The following GABRG3 variants were observed in gnomAD, a reference collection of about 807,000 sequenced individuals.
The protein encoded by GABRG3 is gamma-aminobutyric acid receptor subunit gamma-3.
Under a neutral mutation model 48.8 loss-of-function variants are expected in GABRG3, and 25 were observed. That is an observed-to-expected ratio of 0.51 (90% CI 0.37 to 0.72). The LOEUF is 0.72. GABRG3 is among the 30% of genes least tolerant of loss of function. The probability of loss-of-function intolerance (pLI) is 0.00; values close to 1 mark genes in which losing one functional copy is unlikely to be tolerated. For missense variants in GABRG3, 394 were observed against 577.9 expected (o/e 0.68, Z 3.26); for synonymous variants, 227 against 217.6 (o/e 1.04, Z -0.38).
intron 5 of GABRG3, among the ~76,000 whole-genome samples, chr15:27,382,575 C>CT (rs1284668177): frequency 1.3e-5 from 2 of 152,152 alleles, no homozygotes; most frequent in Non-Finnish European, 2.9e-5. Context: ...TTGATTCATG[C>CT]TTTGAAAGGT....
intron 3 of GABRG3, among the ~76,000 whole-genome samples, chr15:27,277,668 C>T (rs1236754315): frequency 6.6e-6 from 1 of 152,096 alleles, no homozygotes; most frequent in Non-Finnish European, 1.5e-5. Context: ...TACTTTTTCT[C>T]CTTATTCTCT....
At chr15:27,396,744 A>G (rs888523971) in intron 5 of GABRG3, among the ~76,000 whole-genome samples, 16 of 152,216 alleles carry the variant, frequency 1.1e-4, no homozygotes, top group Admixed American at 2.0e-4. Context: ...ACTTCCTTCA[A>G]CTGATTAATT....
intron 5 of GABRG3, among the ~76,000 whole-genome samples, chr15:27,416,459 TAAG>T (rs978799680): frequency 3.9e-5 from 6 of 152,202 alleles, no homozygotes; most frequent in African/African-American, 9.6e-5. Flanking sequence ...CAGCCTTTGC[TAAG>T]AAGAACCGAT....
intron 3 of GABRG3, among the ~76,000 whole-genome samples, chr15:27,188,465 C>T (rs1320844266): frequency 6.6e-6 from 1 of 152,152 alleles, no homozygotes; most frequent in Non-Finnish European, 1.5e-5. Flanking sequence ...ATTTGCATTT[C>T]TCTGATGGCC....
intron 5 of GABRG3, among the ~76,000 whole-genome samples, chr15:27,383,221 G>A (rs920824810): frequency 6.6e-6 from 1 of 152,198 alleles, no homozygotes; most frequent in Admixed American, 6.5e-5. Flanking sequence ...GTCTTCATCT[G>A]AGGATAGTAC....
Position 27,276,630 on chromosome 15 carries a change from C to CT in GABRG3, c.271-50169dup, listed in dbSNP as rs200338414. Among the ~76,000 whole-genome samples the CT allele has an allele frequency of 9.3e-4, 138 of 148,150 alleles. 2 individuals are homozygous for CT. The highest frequency in any genetic ancestry group is 2.8e-3 in the African/African-American group (112 of 40,392). On this transcript the variant is annotated intron_variant, in intron 3 of 9. Transcript: ENST00000615808. ...GAGAGTTGGGAATGGGAATGATTAG[C>CT]TTTTTTTTTTAAGGAATTTTGTTTT...
At chr15:27,342,196 C>T (rs887675263) in intron 5 of GABRG3, among the ~76,000 whole-genome samples, 5 of 152,230 alleles carry the variant, frequency 3.3e-5, no homozygotes, top group Non-Finnish European at 7.3e-5. Flanking sequence ...CTCTTCTGTG[C>T]ATGTGTTTCC....
Position 27,069,550 on chromosome 15 carries a change from A to G in GABRG3, c.270+42729A>G, listed in dbSNP as rs181787142. 2.6e-5 allele frequency among the ~76,000 whole-genome samples: 4 copies of G among 152,346 alleles called. No individual in the cohort carries two copies. In the East Asian group the frequency reaches 5.8e-4, roughly 22 times the overall value. On this transcript the variant is annotated intron_variant, in intron 3 of 9. Coordinates refer to ENST00000615808, the MANE Select transcript of GABRG3 (RefSeq NM_033223.5). ...CCATCTCCTCTCTTTCGCTGTGTGC[A>G]TATAAGGGTCTGAGTGTGTTTATGT...
chr15:27,292,658 T>TAAAAC (rs778631253), intron 3 of GABRG3, among the ~76,000 whole-genome samples: 1 of 152,132 alleles, frequency 6.6e-6, no homozygotes, highest in Non-Finnish European at 1.5e-5. Flanking sequence ...TCTATTAGCA[T>TAAAAC]AAAACAAAAC....
At position 27,326,953 on chromosome 15, in the gene GABRG3, G is replaced by T. The variant is rs1255738541; in HGVS notation, c.415G>T (p.Ala139Ser). 1.2e-6 allele frequency: 2 copies of T among 1,613,958 alleles called. No homozygotes were observed. Among genetic ancestry groups the T allele is most frequent in the South Asian group, 1.1e-5 (1 of 91,080 alleles). The part of the protein sequence containing the change: ...PDTIFRNSKT[A>S]EAHWITTPNQ... ...CACCATCTTCCGCAATTCTAAAACC[G>T]CAGAGGCTCACTGGATCACCACACC... is the stretch of plus-strand genomic sequence containing the variant. The change falls in exon 4 of 10, where the codon GCA becomes TCA. Residue 139 changes from alanine (A) to serine (S), a missense_variant. This residue lies in a region of GABRG3 where 218 missense variants were observed against 309.9 expected (regional missense o/e 0.70). Transcript: ENST00000615808.
At chr15:27,301,531 T>C (rs1423279758) in intron 3 of GABRG3, among the ~76,000 whole-genome samples, 1 of 152,078 alleles carries the variant, frequency 6.6e-6, no homozygotes, top group Non-Finnish European at 1.5e-5. Context: ...CATAGGTAAA[T>C]GGAAGTTAGA....
intron 3 of GABRG3, among the ~76,000 whole-genome samples, chr15:27,310,636 A>G (rs558099445): frequency 6.6e-6 from 1 of 152,148 alleles, no homozygotes; most frequent in Admixed American, 6.6e-5. Context: ...TGATCCTAAA[A>G]TGTATATAAT....
intron 5 of GABRG3, among the ~76,000 whole-genome samples, chr15:27,437,830 G>A (rs1296409978): frequency 6.6e-6 from 1 of 152,154 alleles, no homozygotes; most frequent in Non-Finnish European, 1.5e-5. Flanking sequence ...AGGGCCTCAG[G>A]GAGCTTCCAC....
chr15:27,200,541 A>C (rs1311970068), intron 3 of GABRG3, among the ~76,000 whole-genome samples: 4 of 152,146 alleles, frequency 2.6e-5, no homozygotes, highest in Non-Finnish European at 5.9e-5. Context: ...TACAGCAGGG[A>C]CAGACCCCTC....
intron 3 of GABRG3, among the ~76,000 whole-genome samples, chr15:27,117,041 C>A (rs1265623401): frequency 6.6e-6 from 1 of 152,188 alleles, no homozygotes. Flanking sequence ...CAACAGCCAT[C>A]TGAGGTAGGT....
At chr15:27,523,147 TATTAG>T (rs1378417082) in intron 7 of GABRG3, among the ~76,000 whole-genome samples, 2 of 151,892 alleles carry the variant, frequency 1.3e-5, no homozygotes, top group Non-Finnish European at 1.5e-5. Context: ...GTTAGGATTA[TATTAG>T]ATTAGATAAA....
At chr15:27,287,500 A>C (rs955644852) in intron 3 of GABRG3, among the ~76,000 whole-genome samples, 1 of 152,208 alleles carries the variant, frequency 6.6e-6, no homozygotes, top group African/African-American at 2.4e-5. Context: ...TTCCTGAAAG[A>C]AATGAAAATT....
At chr15:27,195,202 G>A (rs1352374393) in intron 3 of GABRG3, among the ~76,000 whole-genome samples, 1 of 152,114 alleles carries the variant, frequency 6.6e-6, no homozygotes, top group Non-Finnish European at 1.5e-5. Flanking sequence ...ATCCTTGTCC[G>A]ACAATTTCAG....
At chr15:27,257,980 A>G (rs757254892) in intron 3 of GABRG3, among the ~76,000 whole-genome samples, 6 of 152,198 alleles carry the variant, frequency 3.9e-5, no homozygotes, top group South Asian at 2.1e-4. Context: ...TAATAAAGTT[A>G]TAAGGCTTCA....
Sources: gnomAD v4.1 joint callset for allele counts (sites outside exome capture counted in the v4.1 genomes callset) on GRCh38, gnomAD v4.1.1 for gene constraint, gnomAD v4.1.1 regional missense constraint, MANE v1.5 for transcripts, NCBI Gene and HGNC (gene_info 2026-07-23, HGNC 2026-07-21) for gene names.